The following FAM13B variants were observed in gnomAD, a reference collection of about 807,000 sequenced individuals.
FAM13B encodes protein FAM13B.
FAM13B carries 60 observed loss-of-function variants against 117.3 expected under a neutral mutation model. That is an observed-to-expected ratio of 0.51 (90% CI 0.42 to 0.63). The LOEUF (loss-of-function observed/expected upper bound fraction) is 0.63. Ranked by LOEUF, FAM13B falls within the 30% of genes least tolerant of loss-of-function variation. The probability of loss-of-function intolerance (pLI) is 0.00; values close to 1 mark genes in which losing one functional copy is unlikely to be tolerated. For synonymous variants in FAM13B, 332 were observed against 356.1 expected, an observed-to-expected ratio of 0.93 and a Z score of 0.76; for missense variants, 972 against 1,091.9, an observed-to-expected ratio of 0.89 and a Z score of 1.55.
At chr5:138,002,356 C>T (rs1351333555) in intron 7 of FAM13B, among the ~76,000 whole-genome samples, 1 of 151,986 alleles carries the variant, frequency 6.6e-6, no homozygotes, top group Non-Finnish European at 1.5e-5. Flanking sequence ...TGTGGTGAAA[C>T]CTTGTCTCTA....
At chr5:138,027,384 A>G (rs1788707751) in intron 1 of FAM13B, among the ~76,000 whole-genome samples, 1 of 152,232 alleles carries the variant, frequency 6.6e-6, no homozygotes, top group Non-Finnish European at 1.5e-5. Flanking sequence ...ATAGAGATTT[A>G]TAAGTTTGTA....
intron 10 of FAM13B, among the ~76,000 whole-genome samples, chr5:137,984,346 T>C (rs1776614176): frequency 2.0e-5 from 3 of 152,246 alleles, no homozygotes; most frequent in Admixed American, 6.5e-5. Flanking sequence ...AAGATGACTC[T>C]AAATCACTAA....
intron 10 of FAM13B, among the ~76,000 whole-genome samples, chr5:137,965,251 C>A (rs189087007): frequency 2.0e-5 from 3 of 152,254 alleles, no homozygotes; most frequent in Non-Finnish European, 4.4e-5. Context: ...TCCCATGTGC[C>A]CTTCCACAAA....
At chr5:138,049,438 TA>T (rs1561562799) in intron 1 of FAM13B, among the ~76,000 whole-genome samples, 1 of 151,802 alleles carries the variant, frequency 6.6e-6, no homozygotes, top group African/African-American at 2.4e-5. Context: ...CACGCCCTAC[TA>T]ATTTTTTTTT....
chr5:138,048,284 T>C (rs1247967677), intron 1 of FAM13B, among the ~76,000 whole-genome samples: 1 of 151,998 alleles, frequency 6.6e-6, no homozygotes, highest in Non-Finnish European at 1.5e-5. Context: ...CACTTTGGAG[T>C]ACAGGGAAAG....
chr5:137,941,072 A>AT (rs1581028698), intron 23 of FAM13B, among the ~76,000 whole-genome samples: 1 of 151,560 alleles, frequency 6.6e-6, no homozygotes, highest in Non-Finnish European at 1.5e-5. Flanking sequence ...CGCCTGCCTA[A>AT]TTTTTTTTGT....
At chr5:137,953,141 CA>C (rs1394696550) in intron 16 of FAM13B, among the ~76,000 whole-genome samples, 194 bp downstream of exon 16, 1 of 152,182 alleles carries the variant, frequency 6.6e-6, no homozygotes, top group Admixed American at 6.5e-5. Flanking sequence ...TGCCACGGTG[CA>C]AATGGCAAGA....
intron 7 of FAM13B, among the ~76,000 whole-genome samples, chr5:138,005,876 T>G (rs1194559463): frequency 1.3e-5 from 2 of 152,124 alleles, no homozygotes; most frequent in African/African-American, 2.4e-5. Flanking sequence ...CATTTTGCTT[T>G]CTGACTCAAA....
At chr5:137,950,648 C>T (rs1764691107) in intron 17 of FAM13B, among the ~76,000 whole-genome samples, 1 of 152,254 alleles carries the variant, frequency 6.6e-6, no homozygotes, top group Non-Finnish European at 1.5e-5. Context: ...GTCCTCCTGC[C>T]TCAGCCTCCA....
At chr5:137,988,023 A>G (rs1271069568) in intron 8 of FAM13B, among the ~76,000 whole-genome samples, 1 of 152,206 alleles carries the variant, frequency 6.6e-6, no homozygotes, top group East Asian at 1.9e-4. Context: ...TTTAAAACTT[A>G]TATTCTATGA....
intron 10 of FAM13B, among the ~76,000 whole-genome samples, chr5:137,983,269 G>A (rs991963586): frequency 1.4e-5 from 2 of 147,884 alleles, no homozygotes; most frequent in East Asian, 2.0e-4. Context: ...GGTAGTGGGA[G>A]TAATTAATTG....
chr5:137,986,170 C>A (rs2150578567), intron 9 of FAM13B, among the ~76,000 whole-genome samples: 1 of 152,140 alleles, frequency 6.6e-6, no homozygotes, highest in Middle Eastern at 3.4e-3. Context: ...GTACACAAAC[C>A]AAGGCCATCA....
At chr5:138,051,893 T>G (rs1791810317) in exon 1 of FAM13B, 1 of 152,158 alleles carries the variant, frequency 6.6e-6, no homozygotes. Flanking sequence ...CACTCAGCCC[T>G]GTAGATGTCC....
At chr5:137,999,104 C>CTTTTTTTTTTTTT (rs397962950) in intron 7 of FAM13B, among the ~76,000 whole-genome samples, 1 of 139,786 alleles carries the variant, frequency 7.2e-6, no homozygotes. Flanking sequence ...CCTTCAGGGT[C>CTTTTTTTTTTTTT]TTTTTTTTTT....
At chr5:137,943,332 G>A in intron 20 of FAM13B, 116 bp from the exon 21 acceptor site, 1 of 778,702 alleles carries the variant, frequency 1.3e-6, no homozygotes, top group Non-Finnish European at 2.0e-6. Flanking sequence ...TTAAACATTT[G>A]CTTTAAATCT....
At chr5:137,974,682 A>C (rs1262655508) in intron 10 of FAM13B, among the ~76,000 whole-genome samples, 1 of 151,352 alleles carries the variant, frequency 6.6e-6, no homozygotes, top group Admixed American at 6.6e-5. Flanking sequence ...AAAAAAAGCA[A>C]GCAATTTGTT....
At position 138,033,000 on chromosome 5, in the gene FAM13B, G is replaced by T; in HGVS notation, c.-421C>A. 3.0e-6 allele frequency: 3 copies of T among 986,392 alleles called. No homozygotes were observed. Among genetic ancestry groups the T allele is most frequent in the Non-Finnish European group, 3.6e-6 (3 of 830,680 alleles). The allele number at this position is 986,392 out of a possible 1,614,324, so 61.1% of individuals were successfully genotyped here. On this transcript the variant is annotated 5_prime_UTR_variant, in exon 1 of 24. Transcript: ENST00000689681. ...CCGGCGGTGGTGGCGACGCAGACGC[G>T]GAACAGGGGGAGAGAGTGGCGACAG...
chr5:137,949,172 T>C lies in FAM13B; in HGVS notation c.1943A>G (p.Lys648Arg), dbSNP rs1220687998. Residue 648 changes from lysine to arginine, a missense_variant, in exon 18 of 24, where the codon AAA (lysine) becomes AGA (arginine). Lys to Arg is a conservative substitution (Grantham distance 26). Coordinates refer to ENST00000689681, the MANE Select transcript of FAM13B (RefSeq NM_001385994.1). ...LRKQIKDAKH[K>R]NSDGEFVPQT... The stretch of plus-strand genomic sequence containing the variant: ...AGGTACAAATTCTCCATCAGAATTT[T>C]TGTGTTTTGCATCTACATGTCAGAA... 1.9e-6 allele frequency: 3 copies of C among 1,614,008 alleles called. No individual in the cohort carries two copies. The highest frequency in any genetic ancestry group is 2.2e-5 in the East Asian group (1 of 44,870).
rs148833368 is a variant in FAM13B, at chr5:138,043,430, T to C, written c.-203+8448A>G. On this transcript the variant is annotated intron_variant, in intron 1 of 3. Transcript: ENST00000502471. ...TACCTTGTTCGGGCATTATTCTTTTTTTTCTTTCTTTCTTTTTTTTTTTTT... is the reference window on the plus strand; with the variant it reads ...TACCTTGTTCGGGCATTATTCTTTTCTTTCTTTCTTTCTTTTTTTTTTTTT... Among the ~76,000 whole-genome samples, 1,020 of 151,784 alleles carry C rather than the reference T, an allele frequency of 6.7e-3. 12 individuals carry two copies. The highest frequency in any genetic ancestry group is 0.022 in the African/African-American group (927 of 41,410).
Sources: allele counts gnomAD v4.1 joint callset (sites outside exome capture counted in the v4.1 genomes callset), GRCh38; gene constraint gnomAD v4.1.1; transcripts MANE v1.5; gene names NCBI Gene and HGNC (gene_info 2026-07-23, HGNC 2026-07-21).